The following SGSM3 variants were observed in gnomAD, a reference collection of about 807,000 sequenced individuals.
The protein encoded by SGSM3 is small G protein signaling modulator 3, also known as RUN and SH3 containing 3.
SGSM3 carries 96 observed loss-of-function variants against 100.5 expected under a neutral mutation model. The observed-to-expected ratio is 0.96, with a 90% CI of 0.81 to 1.13. The LOEUF (loss-of-function observed/expected upper bound fraction) is 1.13. SGSM3 is among the 50% of genes most tolerant of loss of function. The pLI is 0.00. For synonymous variants in SGSM3, 483 were observed against 422.8 expected (o/e 1.14, Z -1.75); for missense variants, 1,001 against 1,015.8 (o/e 0.99, Z 0.20).
chr22:40,374,891 A>G (rs2046295662), intron 1 of SGSM3, among the ~76,000 whole-genome samples: 1 of 152,186 alleles, frequency 6.6e-6, no homozygotes, highest in African/African-American at 2.4e-5. Flanking sequence ...CCTCAAACAA[A>G]CACATTGTAC....
intron 4 of SGSM3, chr22:40,404,015 A>C: frequency 2.5e-6 from 1 of 393,558 alleles, no homozygotes. Flanking sequence ...GGGTAGTACT[A>C]TGGTAGGAGT....
chr22:40,385,317 T>C (rs940537202), intron 1 of SGSM3, among the ~76,000 whole-genome samples: 1 of 152,198 alleles, frequency 6.6e-6, no homozygotes, highest in Non-Finnish European at 1.5e-5. Flanking sequence ...GGATAAGAGC[T>C]AGAAAGGTAA....
At chr22:40,393,305 A>G (rs1438261490) in intron 1 of SGSM3, among the ~76,000 whole-genome samples, 4 of 152,180 alleles carry the variant, frequency 2.6e-5, no homozygotes, top group African/African-American at 9.7e-5. Flanking sequence ...TTTAGTAGAG[A>G]TGGGGTTTCA....
At chr22:40,386,036 T>G (rs79621452) in intron 1 of SGSM3, among the ~76,000 whole-genome samples, 3,479 of 149,720 alleles carry the variant, frequency 0.023, 130 homozygotes, top group African/African-American at 0.082. Flanking sequence ...TTTTTTTTTT[T>G]GTTTTTTTTG....
At chr22:40,375,047 C>G (rs1266292569) in intron 1 of SGSM3, among the ~76,000 whole-genome samples, 1 of 152,212 alleles carries the variant, frequency 6.6e-6, no homozygotes, top group Non-Finnish European at 1.5e-5. Context: ...CTAATTTATG[C>G]TCACCATTTA....
chr22:40,383,996 C>G (rs951413172), intron 1 of SGSM3, among the ~76,000 whole-genome samples: 2 of 152,164 alleles, frequency 1.3e-5, no homozygotes, highest in Admixed American at 6.5e-5. Flanking sequence ...TGCCTGTAAT[C>G]CTAACACTTT....
chr22:40,371,705 AT>A (rs551660513), intron 1 of SGSM3, among the ~76,000 whole-genome samples: 4 of 144,706 alleles, frequency 2.8e-5, no homozygotes, highest in Admixed American at 6.9e-5. Context: ...TTTCTTTTCT[AT>A]TTTTTTTTTA....
Position 40,407,099 on chromosome 22 carries a change from G to A in SGSM3, c.1240+28G>A, listed in dbSNP as rs1236387305. 2 of 1,605,158 alleles carry A rather than the reference G, an allele frequency of 1.2e-6. No individual in the cohort carries two copies. The highest frequency in any genetic ancestry group is 1.7e-6 in the Non-Finnish European group (2 of 1,176,086). On this transcript the variant is annotated intron_variant, in intron 11 of 21. Coordinates refer to ENST00000248929, the MANE Select transcript of SGSM3 (RefSeq NM_015705.6). The surrounding 1 kb of genome is among the most constrained non-coding windows in gnomAD (Gnocchi z 4.7). ...GAGAGCTCTGCGAGTGCCAGGCAGT[G>A]TGGGCATGCGGGAGTCTGTCCTCAC... is the stretch of plus-strand genomic sequence containing the variant.
intron 1 of SGSM3, chr22:40,378,404 G>T (rs1304247767): frequency 6.6e-6 from 1 of 152,196 alleles, no homozygotes; most frequent in East Asian, 1.9e-4. Flanking sequence ...ATTCCAGCCT[G>T]GGTGACACAG....
In SGSM3 at chr22:40,408,978, A is replaced by G. The variant is rs1177514851; in HGVS notation, c.1948A>G (p.Met650Val). The change falls in exon 19 of 22, where the codon ATG (methionine) becomes GTG (valine). Residue 650 changes from methionine (M) to valine (V), a missense_variant. Met to Val is a conservative substitution (Grantham distance 21). Coordinates refer to ENST00000248929, the MANE Select transcript of SGSM3 (RefSeq NM_015705.6). ...NVTHDAVHAQ[M>V]DVKLRSLICV... ...GACCCACGATGCAGTGCATGCACAA[A>G]TGGATGTGAAGCTCCGCTCACTGAT... is the stretch of plus-strand genomic sequence containing the variant. The G allele has an allele frequency of 6.3e-7, 1 of 1,593,102 alleles. No homozygotes were observed. The highest frequency in any genetic ancestry group is 8.5e-7 in the Non-Finnish European group (1 of 1,169,670).
chr22:40,407,153 G>A lies in SGSM3; in HGVS notation c.1241-48G>A, dbSNP rs751990581. 102 of 1,612,276 alleles carry A rather than the reference G, an allele frequency of 6.3e-5. No individual in the cohort carries two copies. Among genetic ancestry groups the A allele is most frequent in the Non-Finnish European group, 8.0e-5 (94 of 1,179,126 alleles). Reference sequence around the variant, plus strand: ...CATGTGGACGTGGAGCTTCCTCCTCGGGGGCCTGGAGTGGGCTGTGGTCAC... The same window carrying A: ...CATGTGGACGTGGAGCTTCCTCCTCAGGGGCCTGGAGTGGGCTGTGGTCAC... On this transcript the variant is annotated intron_variant, in intron 11 of 21. Transcript: ENST00000248929. This position sits in a 1 kb window ranked among gnomAD's most constrained non-coding sequence, Gnocchi z 4.7.
In SGSM3 at chr22:40,404,301, C is replaced by T. The variant is rs748824925; in HGVS notation, c.212C>T (p.Ala71Val). Residue 71 changes from alanine to valine, a missense_variant, in exon 5 of 22, where the codon GCT becomes GTT. By Grantham distance (64) the Ala-to-Val change is moderately conservative. Transcript: ENST00000248929. ...LLANSPLMED[A>V]PQRLRWQAHL... ...GCGAACTCCCCTCTGATGGAGGATG[C>T]TCCACAGAGGCTGCGGTGGCAGGCC... 2 of 1,558,594 alleles carry T rather than the reference C, an allele frequency of 1.3e-6. No homozygotes were observed. Among genetic ancestry groups the T allele is most frequent in the Admixed American group, 1.9e-5 (1 of 53,352 alleles).
intron 1 of SGSM3, among the ~76,000 whole-genome samples, chr22:40,387,925 C>T (rs112583850): frequency 6.6e-6 from 1 of 152,180 alleles, no homozygotes; most frequent in East Asian, 1.9e-4. Context: ...GAAGGGGACA[C>T]GCATACCTTG....
At chr22:40,376,047 A>C (rs1489779947) in intron 1 of SGSM3, among the ~76,000 whole-genome samples, 1 of 151,920 alleles carries the variant, frequency 6.6e-6, no homozygotes, top group Non-Finnish European at 1.5e-5. Flanking sequence ...ACCCTGTCTC[A>C]AAAAACTGGA....
At chr22:40,389,516 G>A (rs1018253532) in intron 1 of SGSM3, among the ~76,000 whole-genome samples, 1 of 148,386 alleles carries the variant, frequency 6.7e-6, no homozygotes, top group African/African-American at 2.5e-5. Context: ...GGAGAATGGC[G>A]TGAACCTGGG....
At chr22:40,406,025 G>T (rs1480336704) in intron 8 of SGSM3, 53 bp from the exon 9 acceptor site, 58 of 1,594,708 alleles carry the variant, frequency 3.6e-5, no homozygotes, top group Non-Finnish European at 4.5e-5. Context: ...CAGTTCCGGG[G>T]AGGGAGGTTT....
intron 1 of SGSM3, among the ~76,000 whole-genome samples, chr22:40,381,392 T>C (rs2047559796): frequency 6.6e-6 from 1 of 152,150 alleles, no homozygotes; most frequent in African/African-American, 2.4e-5. Flanking sequence ...CAAGTGATCC[T>C]TCTGCCTTGG....
intron 3 of SGSM3, 58 bp from the exon 4 acceptor site, chr22:40,402,081 G>C: frequency 1.5e-6 from 2 of 1,347,364 alleles, no homozygotes; most frequent in Non-Finnish European, 2.1e-6. Flanking sequence ...GCATCTTTCA[G>C]ACCTGAGGCC....
chr22:40,389,600 GAAAA>G (rs71326802), intron 1 of SGSM3, among the ~76,000 whole-genome samples: 6 of 33,648 alleles, frequency 1.8e-4, no homozygotes, highest in East Asian at 1.1e-3. Context: ...CTCCGTCTCA[GAAAA>G]AAAAAAAAAA....
Sources: allele counts gnomAD v4.1 joint callset (sites outside exome capture counted in the v4.1 genomes callset), GRCh38; gene constraint gnomAD v4.1.1; non-coding constraint Gnocchi (gnomAD v3.1); transcripts MANE v1.5; gene names NCBI Gene and HGNC (gene_info 2026-07-23, HGNC 2026-07-21).